The following NPAS3 variants were observed in gnomAD, a reference collection of about 807,000 sequenced individuals.
NPAS3 encodes the protein neuronal PAS domain protein 3.
A neutral mutation model predicts 73.1 loss-of-function variants in NPAS3; 14 were observed. That is an observed-to-expected ratio of 0.19 (90% CI 0.13 to 0.30). The LOEUF (loss-of-function observed/expected upper bound fraction) is 0.30, where lower values mean the gene tolerates loss of function less well. Among genes scored for constraint, NPAS3 ranks in the 10% least tolerant of loss-of-function variants. NPAS3 has a pLI of 1.00. For synonymous variants in NPAS3, 620 were observed against 541.5 expected, an observed-to-expected ratio of 1.14 and a Z score of -2.01; for missense variants, 1,096 against 1,250.0, an observed-to-expected ratio of 0.88 and a Z score of 1.86.
chr14:33,538,671 C>A (rs1023149886), intron 4 of NPAS3, among the ~76,000 whole-genome samples: 2 of 152,158 alleles, frequency 1.3e-5, no homozygotes, highest in African/African-American at 4.8e-5. Flanking sequence ...GATAGGGTAA[C>A]CTAGGAGAGT....
intron 2 of NPAS3, among the ~76,000 whole-genome samples, chr14:33,206,155 G>A (rs1196172021): frequency 6.6e-6 from 1 of 152,118 alleles, no homozygotes; most frequent in Non-Finnish European, 1.5e-5. Context: ...TGACTTAATT[G>A]TCATATAATT....
chr14:33,163,655 C>G (rs1219913175), intron 2 of NPAS3, among the ~76,000 whole-genome samples: 3 of 121,492 alleles, frequency 2.5e-5, no homozygotes, highest in Admixed American at 9.6e-5. Context: ...AAATTTGCAT[C>G]TGTGTCCTTG....
At chr14:33,544,827 A>ATATATTATATATATATATATAATTATT (rs1465407870) in intron 4 of NPAS3, among the ~76,000 whole-genome samples, 1 of 80,212 alleles carries the variant, frequency 1.2e-5, no homozygotes, top group African/African-American at 5.7e-5. Context: ...TATAATATAT[A>ATATATTATATATATATATATAATTATT]TGTGTATATA....
At chr14:33,237,324 A>G (rs1428631654) in intron 3 of NPAS3, among the ~76,000 whole-genome samples, 1 of 152,068 alleles carries the variant, frequency 6.6e-6, no homozygotes, top group East Asian at 1.9e-4. Flanking sequence ...TTGGAATGCC[A>G]TTTTTCTTGG....
intron 3 of NPAS3, among the ~76,000 whole-genome samples, chr14:33,328,152 A>G (rs2043795363): frequency 6.6e-6 from 1 of 152,124 alleles, no homozygotes; most frequent in Non-Finnish European, 1.5e-5. Flanking sequence ...ATTTTTTAAT[A>G]GTGATGTTGA....
At chr14:33,397,214 C>T (rs17100991) in intron 4 of NPAS3, among the ~76,000 whole-genome samples, 2,223 of 152,198 alleles carry the variant, frequency 0.015, 48 homozygotes, top group African/African-American at 0.051. Flanking sequence ...TCTCTTAACT[C>T]CTGGAAGAGA....
At chr14:33,747,545 T>A (rs1407018711) in intron 7 of NPAS3, among the ~76,000 whole-genome samples, 1 of 152,194 alleles carries the variant, frequency 6.6e-6, no homozygotes, top group East Asian at 1.9e-4. Context: ...ATAAGACTCT[T>A]ACAAACAAAA....
At chr14:33,011,286 G>C (rs2039185559) in intron 1 of NPAS3, among the ~76,000 whole-genome samples, 1 of 152,138 alleles carries the variant, frequency 6.6e-6, no homozygotes. Context: ...TTCAAATTCA[G>C]GGTTATGAGT....
intron 7 of NPAS3, among the ~76,000 whole-genome samples, chr14:33,770,785 A>C (rs765807080): frequency 1.3e-5 from 2 of 152,174 alleles, no homozygotes; most frequent in African/African-American, 4.8e-5. Context: ...CTGTAATCCC[A>C]GCAACTCGGG....
intron 4 of NPAS3, among the ~76,000 whole-genome samples, chr14:33,509,756 C>A (rs2052948922): frequency 6.6e-6 from 1 of 152,032 alleles, no homozygotes; most frequent in Non-Finnish European, 1.5e-5. Flanking sequence ...CCTGCCTTAA[C>A]CATGAAATTA....
At chr14:33,503,597 G>A (rs1426198140) in intron 4 of NPAS3, among the ~76,000 whole-genome samples, 1 of 151,764 alleles carries the variant, frequency 6.6e-6, no homozygotes, top group Non-Finnish European at 1.5e-5. Context: ...AAATGGCACG[G>A]CAATGGGGCA....
intron 3 of NPAS3, among the ~76,000 whole-genome samples, chr14:33,313,421 A>G (rs898765510): frequency 5.3e-5 from 8 of 152,060 alleles, no homozygotes; most frequent in Non-Finnish European, 1.0e-4. Flanking sequence ...GTATTTAGAT[A>G]CCAACTACCA....
rs80028789 is a variant in NPAS3 at position 33,588,627 on chromosome 14, C to T, written c.558+28417C>T. Among the ~76,000 whole-genome samples the T allele has an allele frequency of 0.015, 2,296 of 152,190 alleles. 104 individuals are homozygous for T. The East Asian group carries it at 0.19, about 13-fold the overall frequency. ...TTTATCATAAAAGATTTTGTTGTTGCTGCTGAGATGGAGTCTCACTCTGTC... is the reference window on the plus strand; with the variant it reads ...TTTATCATAAAAGATTTTGTTGTTGTTGCTGAGATGGAGTCTCACTCTGTC... On this transcript the variant is annotated intron_variant, in intron 5 of 11. Coordinates refer to ENST00000356141, the Ensembl canonical transcript of NPAS3.
At chr14:33,055,798 A>T in intron 1 of NPAS3, 107 bp from the exon 2 acceptor site, 1 of 529,380 alleles carries the variant, frequency 1.9e-6, no homozygotes, top group East Asian at 3.3e-5. Flanking sequence ...AGAGCTCAAA[A>T]GCGTAAAAAG....
intron 5 of NPAS3, chr14:33,582,313 G>A (rs908853729): frequency 1.4e-4 from 21 of 152,156 alleles, no homozygotes; most frequent in African/African-American, 4.3e-4. Flanking sequence ...TTTTCATAAT[G>A]TCTGCTCTAA....
chr14:33,305,855 A>G lies in NPAS3; in HGVS notation c.386-61331A>G, dbSNP rs567686433. ...AAGTTAAAGTTGACACTATAATTTTAAAGAAAACTTTTACCACTTCTTCTA... is the reference window on the plus strand; with the variant it reads ...AAGTTAAAGTTGACACTATAATTTTGAAGAAAACTTTTACCACTTCTTCTA... On this transcript the variant is annotated intron_variant, in intron 3 of 11. Coordinates refer to ENST00000356141, the Ensembl canonical transcript of NPAS3. Among the ~76,000 whole-genome samples, 12 of 152,312 alleles carry G rather than the reference A, an allele frequency of 7.9e-5. No homozygotes were observed. The East Asian group carries it at 2.3e-3, about 29-fold the overall frequency.
At chr14:33,425,198 G>T (rs1416761055) in intron 4 of NPAS3, among the ~76,000 whole-genome samples, 1 of 152,056 alleles carries the variant, frequency 6.6e-6, no homozygotes, top group Non-Finnish European at 1.5e-5. Flanking sequence ...TTGGTGGAAT[G>T]AAAAGTATGC....
chr14:33,635,595 A>C lies in NPAS3; in HGVS notation c.559-40616A>C, dbSNP rs2058492275. On this transcript the variant is annotated intron_variant, in intron 5 of 11. Transcript: ENST00000356141. ...TCCCAACAAGTTTCCCTGAGCCTCC[A>C]TTTTGAAGTTTAATCAATCATATCC... Among the ~76,000 whole-genome samples, 5 of 152,254 alleles carry C rather than the reference A, an allele frequency of 3.3e-5. No individual in the cohort carries two copies. The South Asian group carries it at 1.0e-3, about 32-fold the overall frequency.
At chr14:33,797,403 A>T in intron 10 of NPAS3, 54 bp from the exon 11 acceptor site, 3 of 1,593,292 alleles carry the variant, frequency 1.9e-6, no homozygotes, top group Non-Finnish European at 2.6e-6. Flanking sequence ...GATGGTCCAA[A>T]CAAACCATGC....
Sources: gnomAD v4.1 joint callset for allele counts (sites outside exome capture counted in the v4.1 genomes callset) on GRCh38, gnomAD v4.1.1 for gene constraint, MANE v1.5 for transcripts, NCBI Gene and HGNC (gene_info 2026-07-23, HGNC 2026-07-21) for gene names.